The following PDS5B variants were observed in gnomAD, a reference collection of about 807,000 sequenced individuals.
PDS5B encodes the protein PDS5 cohesin associated factor B.
PDS5B carries 51 observed loss-of-function variants against 184.1 expected under a neutral mutation model. That is an observed-to-expected ratio of 0.28 (90% CI 0.22 to 0.35). PDS5B has a LOEUF of 0.35. Among genes scored for constraint, PDS5B ranks in the 10% least tolerant of loss-of-function variants. The probability of loss-of-function intolerance (pLI) is 1.00; values close to 1 mark genes in which losing one functional copy is unlikely to be tolerated. For missense variants in PDS5B, 1,180 were observed against 1,723.3 expected, an observed-to-expected ratio of 0.68 and a Z score of 5.58; for synonymous variants, 566 against 569.2, an observed-to-expected ratio of 0.99 and a Z score of 0.08.
intron 23 of PDS5B, among the ~76,000 whole-genome samples, chr13:32,743,516 G>A (rs1042925791): frequency 6.6e-6 from 1 of 152,046 alleles, no homozygotes; most frequent in Non-Finnish European, 1.5e-5. Context: ...AGTGCCATTT[G>A]GTGCCCCTCC....
chr13:32,698,029 A>G lies in PDS5B; in HGVS notation c.1600+1127A>G, dbSNP rs7985294. 6.6e-3 allele frequency among the ~76,000 whole-genome samples: 951 copies of G among 143,224 alleles called. 6 individuals carry two copies. The highest frequency in any genetic ancestry group is 0.024 in the African/African-American group (914 of 38,138). The allele number at this position is 143,224 out of a possible 152,430, so 94.0% of individuals were successfully genotyped here. ...TTTGGCTATGGATACTGTCTCCTAA[A>G]AGAGATCATTCCCTAAGTTCTTTTT... On this transcript the variant is annotated intron_variant, in intron 15 of 34. Coordinates refer to ENST00000315596, the MANE Select transcript of PDS5B (RefSeq NM_015032.4).
intron 17 of PDS5B, 26 bp downstream of exon 17, chr13:32,701,464 C>T: frequency 7.4e-7 from 1 of 1,348,798 alleles, no homozygotes; most frequent in Non-Finnish European, 1.1e-6. Flanking sequence ...ATACTAAGTT[C>T]TCATTGCTGT....
At chr13:32,696,946 A>G in intron 15 of PDS5B, 44 bp downstream of exon 15, 1 of 1,145,324 alleles carries the variant, frequency 8.7e-7, no homozygotes. Flanking sequence ...TTTTTATTGG[A>G]ACATTTTTTA....
intron 1 of PDS5B, among the ~76,000 whole-genome samples, chr13:32,612,728 AG>A (rs1191054340): frequency 1.3e-5 from 2 of 152,206 alleles, no homozygotes; most frequent in African/African-American, 4.8e-5. Flanking sequence ...TCATTATAAA[AG>A]GGGAGGCCCT....
Position 32,693,436 on chromosome 13 carries a change from C to T in PDS5B, c.1470-787C>T, listed in dbSNP as rs1282535951. On this transcript the variant is annotated intron_variant, in intron 13 of 34. Transcript: ENST00000315596. ...TAAAGGGCAGAATTAAAATATTAAA[C>T]GATGTTCTTTGTCTATTAAAAGAAA... Among the ~76,000 whole-genome samples, 14 of 151,816 alleles carry T rather than the reference C, an allele frequency of 9.2e-5. No homozygotes were observed. In the South Asian group the frequency reaches 2.3e-3, roughly 25 times the overall value.
At chr13:32,717,943 T>C (rs950202722) in intron 19 of PDS5B, among the ~76,000 whole-genome samples, 8 of 116,252 alleles carry the variant, frequency 6.9e-5, no homozygotes, top group Middle Eastern at 6.3e-3. Flanking sequence ...CTTACTAATA[T>C]GTGATTTTTG....
intron 20 of PDS5B, among the ~76,000 whole-genome samples, chr13:32,733,256 T>C (rs573819476): frequency 6.6e-6 from 1 of 152,338 alleles, no homozygotes; most frequent in Admixed American, 6.5e-5. Flanking sequence ...GTTTTATCTT[T>C]ACAAGAACCT....
Position 32,773,406 on chromosome 13 carries a change from T to C in PDS5B, c.4308+82T>C, listed in dbSNP as rs998724041. 4.2e-6 allele frequency: 5 copies of C among 1,190,136 alleles called. No individual in the cohort carries two copies. In the East Asian group the frequency reaches 1.2e-4, roughly 29 times the overall value. 73.7% of individuals were successfully genotyped at this position (1,190,136 alleles called of 1,614,324 possible). A position where few individuals can be genotyped will look rare whatever the true frequency, so the allele number is the denominator to read the frequency against. ...TTGGTTAGATCATTTAGTACTTGTT[T>C]AGTATTTATATGTTTTACTTCATTA... On this transcript the variant is annotated intron_variant, in intron 34 of 34. Transcript: ENST00000315596.
chr13:32,665,059 A>G (rs1366752037), intron 6 of PDS5B, among the ~76,000 whole-genome samples: 1 of 152,170 alleles, frequency 6.6e-6, no homozygotes, highest in Admixed American at 6.5e-5. Flanking sequence ...AAAGGGACAT[A>G]TGGAAATAAT....
At chr13:32,586,762 G>T (rs1186998134) in intron 1 of PDS5B, among the ~76,000 whole-genome samples, 169 bp downstream of exon 1, 2 of 148,588 alleles carry the variant, frequency 1.3e-5, no homozygotes, top group African/African-American at 4.9e-5. Flanking sequence ...GGCTGCAGCG[G>T]GTGGCTGCCT....
intron 6 of PDS5B, among the ~76,000 whole-genome samples, chr13:32,665,624 C>G (rs1297027976): frequency 2.5e-5 from 2 of 80,190 alleles, no homozygotes; most frequent in Non-Finnish European, 5.5e-5. Context: ...AGAAAATAAA[C>G]ATCTTTACAA....
At chr13:32,604,779 ACTT>A (rs1348516598) in intron 1 of PDS5B, among the ~76,000 whole-genome samples, 30 of 152,294 alleles carry the variant, frequency 2.0e-4, no homozygotes, top group African/African-American at 7.2e-4. Flanking sequence ...CAGGGATTCA[ACTT>A]CTTCCTGGTT....
chr13:32,605,847 C>G (rs557458274), intron 1 of PDS5B, among the ~76,000 whole-genome samples: 1 of 150,624 alleles, frequency 6.6e-6, no homozygotes, highest in Admixed American at 6.6e-5. Flanking sequence ...CTCTTTTGAT[C>G]TTTGTTGGTT....
chr13:32,716,459 G>C (rs1237159547), intron 19 of PDS5B, among the ~76,000 whole-genome samples: 1 of 150,962 alleles, frequency 6.6e-6, no homozygotes, highest in Admixed American at 6.6e-5. Context: ...GAGCCCCTCC[G>C]CCCGGCAGCC....
rs1375339931 is a variant in PDS5B at position 32,777,661 on chromosome 13, C to A, written c.*2609C>A. The A allele has an allele frequency of 6.6e-6, 1 of 152,324 alleles. No individual in the cohort carries two copies. Among genetic ancestry groups the A allele is most frequent in the Non-Finnish European group, 1.5e-5 (1 of 67,822 alleles). The allele number at this position is 152,324 out of a possible 1,614,324, so 9.4% of individuals were successfully genotyped here. ...TCCTCAGTGAGGTTATCTTGCTGCA[C>A]TCTGTAGCAAATTTGTTTAATCTAC... On this transcript the variant is annotated 3_prime_UTR_variant, in exon 35 of 35. Transcript: ENST00000315596.
At chr13:32,632,673 A>G (rs1201797667) in intron 1 of PDS5B, among the ~76,000 whole-genome samples, 1 of 152,214 alleles carries the variant, frequency 6.6e-6, no homozygotes, top group Non-Finnish European at 1.5e-5. Context: ...TTGTACAGGG[A>G]CTGAAATGGG....
intron 17 of PDS5B, among the ~76,000 whole-genome samples, chr13:32,703,700 C>G (rs1033932167): frequency 6.6e-6 from 1 of 152,182 alleles, no homozygotes; most frequent in South Asian, 2.1e-4. Context: ...ACTTTTAGTC[C>G]CCTATAGTAG....
rs370500409 is a variant in PDS5B, at chr13:32,719,815, G to T, written c.2123+9709G>T. On this transcript the variant is annotated intron_variant, in intron 19 of 34. Transcript: ENST00000315596. ...CCCTTTTTTTTTTGTTTGAGACAGG[G>T]TTTCACTCTGTCTCCCAGGCTGTAG... Among the ~76,000 whole-genome samples, 253 of 149,694 alleles carry T rather than the reference G, an allele frequency of 1.7e-3. 1 individual carries two copies. Among genetic ancestry groups the T allele is most frequent in the Non-Finnish European group, 3.1e-3 (207 of 67,550 alleles).
In PDS5B at chr13:32,683,897, A is replaced by C. The variant is rs368394109; in HGVS notation, c.1077A>C (p.Ser359=). 25 of 1,597,150 alleles carry C rather than the reference A, an allele frequency of 1.6e-5. No individual in the cohort carries two copies. The highest frequency in any genetic ancestry group is 3.4e-4 in the Middle Eastern group (2 of 5,894). The change falls in exon 11 of 35, where the codon TCA becomes TCC. Residue 359 remains serine, a synonymous_variant. Transcript: ENST00000315596. The part of the protein sequence containing the change: ...KDLTEYLKVR[S]HDPEEAIRHD... ...TTTCAGAGTATCTTAAAGTGAGGTCACATGACCCTGAGGAAGCTATTAGAC... is the reference window on the plus strand; with the variant it reads ...TTTCAGAGTATCTTAAAGTGAGGTCCCATGACCCTGAGGAAGCTATTAGAC...
Sources: allele counts gnomAD v4.1 joint callset (sites outside exome capture counted in the v4.1 genomes callset), GRCh38; gene constraint gnomAD v4.1.1; transcripts MANE v1.5; gene names NCBI Gene and HGNC (gene_info 2026-07-23, HGNC 2026-07-21).